Variants in EXD1 observed in about 807,000 individuals in gnomAD.
EXD1 encodes the protein piRNA biogenesis protein EXD1.
Under a neutral mutation model 49.1 loss-of-function variants are expected in EXD1, and 63 were observed. The observed-to-expected ratio is 1.28, with a 90% CI of 1.05 to 1.58. EXD1 has a LOEUF of 1.58. EXD1 is among the 40% of genes most tolerant of loss of function. The pLI, the probability that EXD1 is intolerant of heterozygous loss-of-function variation, is 0.00. For missense variants in EXD1, 748 were observed against 666.0 expected (o/e 1.12, Z -1.36); for synonymous variants, 234 against 239.2 (o/e 0.98, Z 0.20).
At chr15:41,220,479 C>T (rs1466604710) in intron 2 of EXD1, among the ~76,000 whole-genome samples, 6 of 152,106 alleles carry the variant, frequency 3.9e-5, no homozygotes, top group African/African-American at 9.7e-5. Context: ...AGGATTGGCT[C>T]GATCTCCTGA....
At chr15:41,199,723 T>TATATATCTCATATATATGACATATATC (rs1555414681) in intron 7 of EXD1, among the ~76,000 whole-genome samples, 1 of 36,308 alleles carries the variant, frequency 2.8e-5, no homozygotes, top group Admixed American at 4.3e-4. Flanking sequence ...TATGATATAT[T>TATATATCTCATATATATGACATATATC]ATATATGATA....
At chr15:41,199,020 A>G (rs2046663846) in intron 7 of EXD1, among the ~76,000 whole-genome samples, 1 of 150,266 alleles carries the variant, frequency 6.7e-6, no homozygotes, top group South Asian at 2.1e-4. Flanking sequence ...CTGGAGTGCA[A>G]TGGCATGATC....
At chr15:41,211,795 T>TAAGAAAAAA (rs2046925034) in intron 6 of EXD1, among the ~76,000 whole-genome samples, 1 of 119,610 alleles carries the variant, frequency 8.4e-6, no homozygotes, top group Non-Finnish European at 1.7e-5. Context: ...CCTCATTTCT[T>TAAGAAAAAA]AAAAAAAAAA....
intron 2 of EXD1, among the ~76,000 whole-genome samples, chr15:41,220,242 C>A (rs2140901390): frequency 6.6e-6 from 1 of 151,354 alleles, no homozygotes; most frequent in South Asian, 2.1e-4. Context: ...CTCCACTTAA[C>A]TCCAGAAAAA....
At chr15:41,207,816 G>C (rs2046857003) in intron 7 of EXD1, among the ~76,000 whole-genome samples, 1 of 151,788 alleles carries the variant, frequency 6.6e-6, no homozygotes, top group South Asian at 2.1e-4. Flanking sequence ...TTCGAGACAA[G>C]CCTGGCCAAC....
At chr15:41,214,351 TA>T (rs758293986) in intron 6 of EXD1, among the ~76,000 whole-genome samples, 13 of 150,710 alleles carry the variant, frequency 8.6e-5, no homozygotes, top group Non-Finnish European at 7.4e-5. Flanking sequence ...TCTCTACTAC[TA>T]AAAATACAAA....
chr15:41,188,661 G>A (rs1207771708), intron 11 of EXD1, among the ~76,000 whole-genome samples: 2 of 151,748 alleles, frequency 1.3e-5, no homozygotes, highest in Admixed American at 6.6e-5. Context: ...CAAAGTACTG[G>A]GATTACAGGT....
chr15:41,223,313 G>A (rs775860148), intron 2 of EXD1, among the ~76,000 whole-genome samples: 1 of 152,074 alleles, frequency 6.6e-6, no homozygotes, highest in Non-Finnish European at 1.5e-5. Flanking sequence ...CCAGCTATTT[G>A]GGAGGCTGAA....
In EXD1 at chr15:41,209,596, A is replaced by G. The variant is rs1319152400; in HGVS notation, c.448-9T>C. The G allele has an allele frequency of 6.2e-7, 1 of 1,610,938 alleles. No homozygotes were observed. The highest frequency in any genetic ancestry group is 8.5e-7 in the Non-Finnish European group (1 of 1,178,776). On this transcript the variant is annotated splice_polypyrimidine_tract_variant and intron_variant, in intron 6 of 11. Coordinates refer to ENST00000458580, the MANE Select transcript of EXD1 (RefSeq NM_001286441.2). ...TTCTTGATATGGAGTATCTGGTAAG[A>G]AAAAGAAGGAAAGGAAAAACTTTCA...
intron 2 of EXD1, among the ~76,000 whole-genome samples, chr15:41,222,754 T>C (rs2047108548): frequency 1.4e-5 from 2 of 146,722 alleles, no homozygotes; most frequent in East Asian, 4.0e-4. Flanking sequence ...CTGGCCAACA[T>C]GGTGAAACCC....
chr15:41,224,819 C>G (rs957318614), intron 2 of EXD1, among the ~76,000 whole-genome samples: 2 of 152,010 alleles, frequency 1.3e-5, no homozygotes, highest in Non-Finnish European at 2.9e-5. Context: ...AAAAACTAGC[C>G]AGGTGAGGTG....
intron 3 of EXD1, among the ~76,000 whole-genome samples, chr15:41,218,890 C>T (rs1373314872): frequency 6.6e-6 from 1 of 152,144 alleles, no homozygotes; most frequent in Admixed American, 6.6e-5. Context: ...TCCTCCTAAA[C>T]GCTTGTTTTC....
In EXD1 at chr15:41,199,754, TGA is replaced by T. The variant is rs371417116; in HGVS notation, c.535-3719_535-3718del. On this transcript the variant is annotated intron_variant, in intron 7 of 11. Coordinates refer to ENST00000458580, the MANE Select transcript of EXD1 (RefSeq NM_001286441.2). ...TGATATATATGTCATATATTATATA[TGA>T]TACATATATGATATATATGTCATAT... 3.5e-3 allele frequency among the ~76,000 whole-genome samples: 37 copies of T among 10,460 alleles called. 8 individuals are homozygous for T. Among genetic ancestry groups the T allele is most frequent in the East Asian group, 0.25 (2 of 8 alleles). 6.9% of individuals were successfully genotyped at this position (10,460 alleles called of 152,430 possible).
At chr15:41,186,363 T>C (rs1015950011) in intron 11 of EXD1, among the ~76,000 whole-genome samples, 10 of 151,332 alleles carry the variant, frequency 6.6e-5, no homozygotes, top group Admixed American at 6.6e-4. Context: ...TCCCAGCTAC[T>C]CAGGAGGCTG....
rs1387105072 is a variant in EXD1, at chr15:41,189,922, G to T, written c.1056+15C>A. On this transcript the variant is annotated intron_variant, in intron 11 of 11. Coordinates refer to ENST00000458580, the MANE Select transcript of EXD1 (RefSeq NM_001286441.2). ...AGGCAGAAAGGAGGTCCTGAAGACA[G>T]AGAGCTGCACCTACCTCAGTGCCTC... 4.3e-6 allele frequency: 7 copies of T among 1,610,116 alleles called. No individual in the cohort carries two copies. In the South Asian group the frequency reaches 7.7e-5, roughly 18 times the overall value.
At chr15:41,210,277 A>G (rs1304342872) in intron 6 of EXD1, among the ~76,000 whole-genome samples, 1 of 152,180 alleles carries the variant, frequency 6.6e-6, no homozygotes, top group East Asian at 1.9e-4. Context: ...AACACAGGGC[A>G]ATTTACCACA....
At chr15:41,197,972 C>G (rs751279214) in intron 7 of EXD1, among the ~76,000 whole-genome samples, 9 of 151,908 alleles carry the variant, frequency 5.9e-5, no homozygotes, top group Non-Finnish European at 1.2e-4. Flanking sequence ...TGCAATGAAC[C>G]AAGATTGCGC....
chr15:41,206,324 G>T (rs375467004), intron 7 of EXD1, among the ~76,000 whole-genome samples: 3 of 151,760 alleles, frequency 2.0e-5, no homozygotes, highest in Non-Finnish European at 2.9e-5. Context: ...ACAATAATTA[G>T]CCAGGCGTAG....
intron 6 of EXD1, 86 bp downstream of exon 6, chr15:41,215,689 A>G: frequency 7.0e-7 from 1 of 1,433,372 alleles, no homozygotes; most frequent in South Asian, 1.2e-5. Context: ...CCGTCTCAAA[A>G]AAAAAAAGAA....
Sources: allele counts gnomAD v4.1 joint callset (sites outside exome capture counted in the v4.1 genomes callset), GRCh38; gene constraint gnomAD v4.1.1; transcripts MANE v1.5; gene names NCBI Gene and HGNC (gene_info 2026-07-23, HGNC 2026-07-21).